The following RAB38 variants were observed in gnomAD, a reference collection of about 807,000 sequenced individuals.
RAB38 encodes the protein RAB38, member RAS oncogene family, also known as ras-related protein Rab-38.
RAB38 carries 15 observed loss-of-function variants against 18.4 expected under a neutral mutation model. The ratio of observed to expected loss-of-function variants is 0.82; its 90% CI spans 0.55 to 1.26. The LOEUF (loss-of-function observed/expected upper bound fraction) is 1.26. RAB38 is among the 50% of genes most tolerant of loss of function. The probability of loss-of-function intolerance (pLI) is 0.00; values close to 1 mark genes in which losing one functional copy is unlikely to be tolerated. For missense variants in RAB38, 294 were observed against 267.4 expected (o/e 1.10, Z -0.69); for synonymous variants, 101 against 104.4 (o/e 0.97, Z 0.20).
At chr11:87,826,837 C>A in the RAB38 span, among the ~76,000 whole-genome samples, 2 of 152,158 alleles carry the variant, frequency 1.3e-5, no homozygotes, top group African/African-American at 4.8e-5. Context: ...ACCAGCCTCC[C>A]TGACTCCAAG....
At chr11:87,877,922 A>G in the RAB38 span, among the ~76,000 whole-genome samples, 1 of 151,450 alleles carries the variant, frequency 6.6e-6, no homozygotes, top group Admixed American at 6.6e-5. Flanking sequence ...AATTTATATT[A>G]TAATAGCTTC....
chr11:87,977,397 A>G, the RAB38 span, among the ~76,000 whole-genome samples: 3 of 43,590 alleles, frequency 6.9e-5, no homozygotes, highest in African/African-American at 1.1e-4. Context: ...AATTATATAT[A>G]TAATTATATT....
the RAB38 span, among the ~76,000 whole-genome samples, chr11:88,019,293 G>C: frequency 6.6e-6 from 1 of 151,972 alleles, no homozygotes; most frequent in East Asian, 1.9e-4. Context: ...AAATATCTTA[G>C]AGTCATCTAT....
the RAB38 span, among the ~76,000 whole-genome samples, chr11:88,004,271 G>T: frequency 7.2e-6 from 1 of 139,776 alleles, no homozygotes; most frequent in East Asian, 1.9e-4. Context: ...ACAGCAATTT[G>T]TAAAAGGTAT....
the RAB38 span, among the ~76,000 whole-genome samples, chr11:87,860,171 A>G: frequency 2.6e-5 from 4 of 151,998 alleles, no homozygotes; most frequent in Non-Finnish European, 5.9e-5. Flanking sequence ...TACTAGAGAA[A>G]GGAATCATAA....
chr11:88,043,178 T>G, the RAB38 span, among the ~76,000 whole-genome samples: 8 of 152,326 alleles, frequency 5.3e-5, no homozygotes, highest in African/African-American at 1.9e-4. Context: ...GTTCCAAGAC[T>G]GTTTTAACTC....
the RAB38 span, among the ~76,000 whole-genome samples, chr11:88,097,387 C>G: frequency 6.6e-6 from 1 of 151,862 alleles, no homozygotes; most frequent in Non-Finnish European, 1.5e-5. Context: ...GAAGAAATTC[C>G]TGAGTCTGCG....
At chr11:88,164,531 G>C (rs908455970) in intron 1 of RAB38, among the ~76,000 whole-genome samples, 3 of 152,018 alleles carry the variant, frequency 2.0e-5, no homozygotes, top group Non-Finnish European at 2.9e-5. Context: ...CCGGCTCAAA[G>C]GTTTGAGAGG....
At chr11:87,918,712 T>A in the RAB38 span, among the ~76,000 whole-genome samples, 1 of 151,378 alleles carries the variant, frequency 6.6e-6, no homozygotes, top group African/African-American at 2.5e-5. Context: ...TTCCCATTTT[T>A]AAATCAAGTT....
the RAB38 span, among the ~76,000 whole-genome samples, chr11:88,078,505 G>GTGTGTGTGTGTA: frequency 1.3e-5 from 2 of 151,364 alleles, no homozygotes; most frequent in Non-Finnish European, 1.5e-5. Context: ...GTATATATGT[G>GTGTGTGTGTGTA]TGTGTGTGTG....
the RAB38 span, among the ~76,000 whole-genome samples, chr11:87,978,030 C>CATTA: frequency 2.2e-4 from 16 of 71,140 alleles, no homozygotes; most frequent in Admixed American, 9.0e-4. Flanking sequence ...TATACTTACA[C>CATTA]ATACATAATA....
intron 2 of RAB38, among the ~76,000 whole-genome samples, chr11:88,114,613 G>A (rs1942523356): frequency 6.6e-6 from 1 of 152,198 alleles, no homozygotes; most frequent in Non-Finnish European, 1.5e-5. Context: ...CTAGTGAAAT[G>A]GGGAAGAGTA....
intron 2 of RAB38, among the ~76,000 whole-genome samples, chr11:88,143,497 G>C (rs1942942719): frequency 6.6e-6 from 1 of 152,196 alleles, no homozygotes; most frequent in African/African-American, 2.4e-5. Flanking sequence ...ATACAGGGCA[G>C]GCCATATTTG....
At chr11:88,124,435 C>T (rs1942667009) in intron 2 of RAB38, among the ~76,000 whole-genome samples, 1 of 151,962 alleles carries the variant, frequency 6.6e-6, no homozygotes, top group African/African-American at 2.4e-5. Flanking sequence ...AAGAAAAAAA[C>T]AAACAACCCC....
rs779810860 is a variant in RAB38 at position 88,113,873 on chromosome 11, T to G, written c.*115A>C. On this transcript the variant is annotated 3_prime_UTR_variant, in exon 3 of 3. Transcript: ENST00000243662. ...CACTGAAAAAACAGAGGCATAGATC[T>G]TTGGCTTGCCACATGTGGTATCTCT... The G allele has an allele frequency of 1.0e-5, 13 of 1,259,854 alleles. No individual in the cohort carries two copies. The highest frequency in any genetic ancestry group is 1.3e-5 in the Non-Finnish European group (12 of 891,416). The allele number at this position is 1,259,854 out of a possible 1,614,324, so 78.0% of individuals were successfully genotyped here.
At chr11:87,944,506 T>C in the RAB38 span, among the ~76,000 whole-genome samples, 1 of 152,230 alleles carries the variant, frequency 6.6e-6, no homozygotes, top group Non-Finnish European at 1.5e-5. Flanking sequence ...CTGTGCTGAA[T>C]CCTCTTCCTC....
the RAB38 span, among the ~76,000 whole-genome samples, chr11:88,040,320 A>C: frequency 1.3e-5 from 2 of 152,150 alleles, no homozygotes; most frequent in African/African-American, 2.4e-5. Flanking sequence ...TGGCCTCTGC[A>C]GATATCTGTG....
chr11:88,059,717 G>A, the RAB38 span, among the ~76,000 whole-genome samples: 1 of 151,958 alleles, frequency 6.6e-6, no homozygotes, highest in Non-Finnish European at 1.5e-5. Flanking sequence ...TCCTTGCATG[G>A]CCTCAGGGCA....
chr11:88,142,328 G>C (rs946127189), intron 2 of RAB38, among the ~76,000 whole-genome samples: 18 of 152,336 alleles, frequency 1.2e-4, no homozygotes, highest in African/African-American at 3.8e-4. Context: ...ATTATTGTAG[G>C]AATTAGTGAT....
Sources: allele counts gnomAD v4.1 joint callset (sites outside exome capture counted in the v4.1 genomes callset), GRCh38; gene constraint gnomAD v4.1.1; transcripts MANE v1.5; gene names NCBI Gene and HGNC (gene_info 2026-07-23, HGNC 2026-07-21).